MAP3K2: variants seen among roughly 807,000 people sequenced by gnomAD.
The protein encoded by MAP3K2 is MAP/ERK kinase kinase 2.
Under a neutral mutation model 80.3 loss-of-function variants are expected in MAP3K2, and 24 were observed. The ratio of observed to expected loss-of-function variants is 0.30; its 90% CI spans 0.22 to 0.42. The LOEUF is 0.42. MAP3K2 is among the 10% of genes least tolerant of loss of function. The pLI, the probability that MAP3K2 is intolerant of heterozygous loss-of-function variation, is 1.00. For missense variants in MAP3K2, 608 were observed against 750.1 expected, an observed-to-expected ratio of 0.81 and a Z score of 2.21; for synonymous variants, 244 against 253.7, an observed-to-expected ratio of 0.96 and a Z score of 0.36.
Position 127,384,397 on chromosome 2 carries a change from A to C in MAP3K2, c.-66+3055T>G, listed in dbSNP as rs141363801. 1.6e-3 allele frequency among the ~76,000 whole-genome samples: 247 copies of C among 152,298 alleles called. 2 individuals are homozygous for C. Among genetic ancestry groups the C allele is most frequent in the African/African-American group, 5.7e-3 (235 of 41,568 alleles). ...CAGATTCTTCTGACAGATCTGAGCA[A>C]AGTAAATTGAAAACCTTCTGGAAAG... On this transcript the variant is annotated intron_variant, in intron 1 of 16. Transcript: ENST00000682094.
rs1231585734 is a variant in MAP3K2 at position 127,346,400 on chromosome 2, A to C, written c.-65-3206T>G. The stretch of plus-strand genomic sequence containing the variant: ...CTTCAAACATTTACAGAATTTACAA[A>C]AACTGGTTTTAAAAAAAAAAAAAAA... On this transcript the variant is annotated intron_variant, in intron 1 of 16. Transcript: ENST00000682094. Among the ~76,000 whole-genome samples the C allele has an allele frequency of 2.4e-4, 24 of 100,296 alleles. 1 individual carries two copies. The highest frequency in any genetic ancestry group is 6.8e-4 in the South Asian group (2 of 2,954). 65.8% of individuals were successfully genotyped at this position (100,296 alleles called of 152,430 possible).
chr2:127,312,332 A>T (rs72845967), intron 15 of MAP3K2, among the ~76,000 whole-genome samples: 5,151 of 152,332 alleles, frequency 0.034, 125 homozygotes, highest in Middle Eastern at 0.071. Flanking sequence ...TAGCAATATA[A>T]TCAATTAATT....
chr2:127,304,472 T>C lies in MAP3K2; in HGVS notation c.*3107A>G, dbSNP rs3088374. ...AGAAAGATATTTCCTGAAAAGCACA[T>C]ATAAGACTGCTAGTGAATCTTCTCC... On this transcript the variant is annotated 3_prime_UTR_variant, in exon 17 of 17. Coordinates refer to ENST00000682094, the MANE Select transcript of MAP3K2 (RefSeq NM_001371910.2). 0.44 allele frequency: 66,741 copies of C among 151,918 alleles called. 15,025 individuals carry two copies. Among genetic ancestry groups the C allele is most frequent in the East Asian group, 0.72 (3,705 of 5,158 alleles). The allele number at this position is 151,918 out of a possible 1,614,324, so 9.4% of individuals were successfully genotyped here.
At chr2:127,384,735 G>A (rs1043797562) in intron 1 of MAP3K2, among the ~76,000 whole-genome samples, 2 of 151,442 alleles carry the variant, frequency 1.3e-5, no homozygotes, top group African/African-American at 4.9e-5. Context: ...ACAGCTCACT[G>A]CAGCCCTGAC....
intron 4 of MAP3K2, among the ~76,000 whole-genome samples, chr2:127,336,237 C>A (rs1686369328): frequency 6.6e-6 from 1 of 152,068 alleles, no homozygotes. Flanking sequence ...ACTGAAACTA[C>A]CATATGAATG....
At chr2:127,363,710 T>G (rs2104876374) in intron 1 of MAP3K2, among the ~76,000 whole-genome samples, 1 of 152,324 alleles carries the variant, frequency 6.6e-6, no homozygotes, top group East Asian at 1.9e-4. Flanking sequence ...TGTATTTACT[T>G]ATTTATTTTA....
chr2:127,319,247 A>C (rs1157785960), intron 12 of MAP3K2, among the ~76,000 whole-genome samples: 2 of 151,892 alleles, frequency 1.3e-5, no homozygotes, highest in African/African-American at 2.4e-5. Context: ...AAAAAAAAAA[A>C]AAAAAAACCC....
chr2:127,308,944 T>C (rs1043847698), intron 15 of MAP3K2, among the ~76,000 whole-genome samples, 182 bp from the exon 16 acceptor site: 1 of 152,184 alleles, frequency 6.6e-6, no homozygotes, highest in African/African-American at 2.4e-5. Context: ...CATTAAGGAT[T>C]TGCTGCAAGA....
chr2:127,331,322 A>C (rs1427680137), intron 5 of MAP3K2, among the ~76,000 whole-genome samples: 3 of 152,210 alleles, frequency 2.0e-5, no homozygotes, highest in Non-Finnish European at 4.4e-5. Context: ...ATTTCATTGA[A>C]GGAGGAACAG....
intron 1 of MAP3K2, among the ~76,000 whole-genome samples, chr2:127,377,193 C>A (rs1335379289): frequency 6.6e-6 from 1 of 151,960 alleles, no homozygotes; most frequent in Non-Finnish European, 1.5e-5. Context: ...AAAAATGAAC[C>A]CACTTCCCAT....
At chr2:127,376,074 T>C (rs960263529) in intron 1 of MAP3K2, among the ~76,000 whole-genome samples, 11 of 152,036 alleles carry the variant, frequency 7.2e-5, no homozygotes, top group Non-Finnish European at 1.3e-4. Context: ...AAGGGAGAGA[T>C]GTAGGAGATC....
rs13008544 is a variant in MAP3K2, at chr2:127,387,443, C to A, written c.-66+9G>T. 1 of 984,922 alleles carries A rather than the reference C, an allele frequency of 1.0e-6. No individual in the cohort carries two copies. Among genetic ancestry groups the A allele is most frequent in the Non-Finnish European group, 1.2e-6 (1 of 830,486 alleles). The allele number at this position is 984,922 out of a possible 1,614,324, so 61.0% of individuals were successfully genotyped here. ...ACACAAGCGCGCGCGCACGCACACACGCACGTACCGGCTGCTCCGCAGGGA... is the reference window on the plus strand; with the variant it reads ...ACACAAGCGCGCGCGCACGCACACAAGCACGTACCGGCTGCTCCGCAGGGA... On this transcript the variant is annotated intron_variant, in intron 1 of 16. Transcript: ENST00000682094.
Position 127,307,457 on chromosome 2 carries a change from C to T in MAP3K2, c.*122G>A. ...ATTTAACCAAGAATCAAGAGAAATA[C>T]TTTCCCTCTTGTCTTTTTTCTCCCC... On this transcript the variant is annotated 3_prime_UTR_variant, in exon 17 of 17. Coordinates refer to ENST00000682094, the MANE Select transcript of MAP3K2 (RefSeq NM_001371910.2). This position sits in a 1 kb window ranked among gnomAD's most constrained non-coding sequence, Gnocchi z 5.4. The T allele has an allele frequency of 2.0e-6, 1 of 504,794 alleles. No homozygotes were observed. The highest frequency in any genetic ancestry group is 3.5e-6 in the Non-Finnish European group (1 of 285,958). 31.3% of individuals were successfully genotyped at this position (504,794 alleles called of 1,614,324 possible).
In MAP3K2 at chr2:127,300,039, T is replaced by G. The variant is rs1324010362; in HGVS notation, c.*7540A>C. 6.6e-6 allele frequency: 1 copy of G among 152,118 alleles called. No individual in the cohort carries two copies. The allele number at this position is 152,118 out of a possible 1,614,324, so 9.4% of individuals were successfully genotyped here. Reference sequence around the variant, plus strand: ...GGATTTTATAATACATTATAAAATTTTCTAATTTCTATTAATGTCGAACTC... The same window carrying G: ...GGATTTTATAATACATTATAAAATTGTCTAATTTCTATTAATGTCGAACTC... On this transcript the variant is annotated 3_prime_UTR_variant, in exon 17 of 17. Coordinates refer to ENST00000682094, the MANE Select transcript of MAP3K2 (RefSeq NM_001371910.2).
rs1686427472 is a variant in MAP3K2 at position 127,339,047 on chromosome 2, T to C, written c.8A>G (p.Asp3Gly). 1 of 1,598,482 alleles carries C rather than the reference T, an allele frequency of 6.3e-7. No individual in the cohort carries two copies. The highest frequency in any genetic ancestry group is 1.7e-5 in the Admixed American group (1 of 59,440). Residue 3 changes from aspartate to glycine, a missense_variant, in exon 3 of 17, where the codon GAT becomes GGT. Coordinates refer to ENST00000682094, the MANE Select transcript of MAP3K2 (RefSeq NM_001371910.2). The surrounding 1 kb of genome is among the most constrained non-coding windows in gnomAD (Gnocchi z 4.2). MD[D>G]QQALNSIMQD... ...CATGATTGAGTTCAAAGCTTGCTGATCATCTAGGTAGTTTTGAAACAACAC... is the reference window on the plus strand; with the variant it reads ...CATGATTGAGTTCAAAGCTTGCTGACCATCTAGGTAGTTTTGAAACAACAC...
intron 2 of MAP3K2, among the ~76,000 whole-genome samples, chr2:127,342,567 G>A (rs1194492752): frequency 1.3e-5 from 2 of 152,024 alleles, no homozygotes; most frequent in African/African-American, 4.8e-5. Context: ...TTTAGGATAG[G>A]GTGGGCCATT....
At chr2:127,313,769 T>C (rs1685851116) in intron 15 of MAP3K2, among the ~76,000 whole-genome samples, 1 of 152,198 alleles carries the variant, frequency 6.6e-6, no homozygotes, top group Non-Finnish European at 1.5e-5. Context: ...ACACACCTAG[T>C]CTATATAGTA....
intron 1 of MAP3K2, among the ~76,000 whole-genome samples, chr2:127,354,387 T>C (rs1197674166): frequency 6.6e-6 from 1 of 152,006 alleles, no homozygotes; most frequent in African/African-American, 2.4e-5. Context: ...CCAAATATAC[T>C]TCCTGATTTA....
intron 1 of MAP3K2, among the ~76,000 whole-genome samples, chr2:127,351,865 TTGTTTTTTTG>T (rs1426475384): frequency 3.9e-5 from 6 of 151,940 alleles, no homozygotes; most frequent in African/African-American, 1.5e-4. Flanking sequence ...TCCCTACTTC[TTGTTTTTTTG>T]TGTTTTTTTT....
Sources: allele counts gnomAD v4.1 joint callset (sites outside exome capture counted in the v4.1 genomes callset), GRCh38; gene constraint gnomAD v4.1.1; non-coding constraint Gnocchi (gnomAD v3.1); transcripts MANE v1.5; gene names NCBI Gene and HGNC (gene_info 2026-07-23, HGNC 2026-07-21).